Variants in SLC47A2 observed in about 807,000 individuals in gnomAD.
SLC47A2 encodes multidrug and toxin extrusion protein 2.
SLC47A2 carries 52 observed loss-of-function variants against 67.7 expected under a neutral mutation model. That is an observed-to-expected ratio of 0.77 (90% CI 0.61 to 0.97). The LOEUF is 0.97. SLC47A2 is among the 50% of genes least tolerant of loss of function. SLC47A2 has a pLI of 0.00. For synonymous variants in SLC47A2, 278 were observed against 292.9 expected, an observed-to-expected ratio of 0.95 and a Z score of 0.52; for missense variants, 676 against 712.3, an observed-to-expected ratio of 0.95 and a Z score of 0.58.
chr17:19,718,693 G>A (rs1372557546), upstream of SLC47A2: 1 of 152,230 alleles, frequency 6.6e-6, no homozygotes, highest in Non-Finnish European at 1.5e-5. Flanking sequence ...GTTTGACCCT[G>A]GGGAGGAGCA....
intron 13 of SLC47A2, among the ~76,000 whole-genome samples, chr17:19,697,168 C>T (rs971161130): frequency 6.6e-6 from 1 of 152,058 alleles, no homozygotes; most frequent in Non-Finnish European, 1.5e-5. Flanking sequence ...GTAGGTGGTG[C>T]ATGCCTGTAG....
rs1343043535 is a variant in SLC47A2, at chr17:19,712,755, AGGGAG to A, written c.444-15_444-11del. ...ATAGTCCTGGGTCAACCTGCAAGAGAGGGAGAAGCTCCGGAGCTGACCAGGCTGTG... is the reference window on the plus strand; with the variant it reads ...ATAGTCCTGGGTCAACCTGCAAGAGAAAGCTCCGGAGCTGACCAGGCTGTG... On this transcript the variant is annotated splice_polypyrimidine_tract_variant and intron_variant, in intron 4 of 16. Coordinates refer to ENST00000433844, the MANE Select transcript of SLC47A2 (RefSeq NM_001099646.3). 12 of 1,611,988 alleles carry A rather than the reference AGGGAG, an allele frequency of 7.4e-6. No individual in the cohort carries two copies. The highest frequency in any genetic ancestry group is 9.3e-6 in the Non-Finnish European group (11 of 1,179,396).
chr17:19,708,863 G>T, intron 5 of SLC47A2, 103 bp from the exon 6 acceptor site: 4 of 1,397,512 alleles, frequency 2.9e-6, no homozygotes, highest in Non-Finnish European at 4.0e-6. Flanking sequence ...CCAGATTGGG[G>T]AAATTACTTC....
intron 13 of SLC47A2, among the ~76,000 whole-genome samples, chr17:19,700,808 C>T (rs1312044932): frequency 6.8e-6 from 1 of 148,038 alleles, no homozygotes; most frequent in African/African-American, 2.5e-5. Context: ...CTTTCAATTT[C>T]AAGAATGATT....
intron 3 of SLC47A2, 126 bp from the exon 4 acceptor site, chr17:19,714,099 A>G: frequency 2.3e-6 from 3 of 1,322,140 alleles, no homozygotes; most frequent in Non-Finnish European, 3.0e-6. Flanking sequence ...TGGTGACCAC[A>G]GCCTGGCGCC....
chr17:19,686,915 T>C (rs1336088651), intron 13 of SLC47A2, among the ~76,000 whole-genome samples: 2 of 152,184 alleles, frequency 1.3e-5, no homozygotes, highest in Non-Finnish European at 2.9e-5. Flanking sequence ...CATAGAAACA[T>C]TGGACTTAAT....
chr17:19,680,528 G>C (rs1658686882), intron 15 of SLC47A2, among the ~76,000 whole-genome samples: 1 of 152,162 alleles, frequency 6.6e-6, no homozygotes, highest in African/African-American at 2.4e-5. Flanking sequence ...AGCATCTTAA[G>C]TGTCAGGATG....
At chr17:19,695,170 G>A (rs111233471) in intron 13 of SLC47A2, among the ~76,000 whole-genome samples, 7,561 of 152,122 alleles carry the variant, frequency 0.05, 311 homozygotes, top group Non-Finnish European at 0.065. Flanking sequence ...GAGACCTACT[G>A]TACAACATGT....
intron 16 of SLC47A2, among the ~76,000 whole-genome samples, 188 bp from the exon 17 acceptor site, chr17:19,679,094 G>A (rs2085254013): frequency 6.6e-6 from 1 of 152,180 alleles, no homozygotes; most frequent in African/African-American, 2.4e-5. Context: ...GAGATATGCA[G>A]GAAAGCATCT....
At chr17:19,711,355 G>A (rs1162755283) in intron 5 of SLC47A2, among the ~76,000 whole-genome samples, 1 of 151,204 alleles carries the variant, frequency 6.6e-6, no homozygotes, top group Non-Finnish European at 1.5e-5. Context: ...ACTTTGGGAG[G>A]TGGAAGCGAG....
intron 13 of SLC47A2, among the ~76,000 whole-genome samples, chr17:19,684,915 G>A (rs1045773233): frequency 1.3e-5 from 2 of 151,964 alleles, no homozygotes; most frequent in African/African-American, 4.8e-5. Context: ...CCATGATCTC[G>A]GTTCACTGCA....
At chr17:19,701,167 CAAAAAAAAA>C (rs35086555) in intron 13 of SLC47A2, among the ~76,000 whole-genome samples, 4 of 64,962 alleles carry the variant, frequency 6.2e-5, no homozygotes, top group Admixed American at 1.6e-4. Flanking sequence ...GACTCTGTCT[CAAAAAAAAA>C]AAAAAAAAAA....
intron 7 of SLC47A2, 76 bp downstream of exon 7, chr17:19,708,226 T>A (rs2085997461): frequency 6.5e-7 from 1 of 1,528,462 alleles, no homozygotes. Flanking sequence ...GGATGGTGAC[T>A]GATCTGTCTC....
intron 13 of SLC47A2, among the ~76,000 whole-genome samples, chr17:19,682,021 G>C (rs1316152935): frequency 6.6e-6 from 1 of 152,134 alleles, no homozygotes; most frequent in African/African-American, 2.4e-5. Context: ...GTGGTGTGTT[G>C]GTTTCCTGTG....
At chr17:19,713,410 A>C (rs1968114) in intron 4 of SLC47A2, among the ~76,000 whole-genome samples, 31,628 of 147,078 alleles carry the variant, frequency 0.22, 3,569 homozygotes, top group East Asian at 0.4. Flanking sequence ...TAATAATAAT[A>C]ATAATCATCA....
At chr17:19,704,523 C>G in intron 10 of SLC47A2, 2 of 969,156 alleles carry the variant, frequency 2.1e-6, no homozygotes, top group Non-Finnish European at 3.0e-6. Flanking sequence ...AGAAAAGCTC[C>G]CTGTAAGAAA....
rs763919536 is a variant in SLC47A2 at position 19,679,951 on chromosome 17, C to T, written c.1480+1G>A. 1.2e-6 allele frequency: 2 copies of T among 1,612,896 alleles called. No individual in the cohort carries two copies. The highest frequency in any genetic ancestry group is 2.2e-5 in the East Asian group (1 of 44,790). On this transcript the variant is annotated splice_donor_variant, in intron 16 of 16. Transcript: ENST00000433844. LOFTEE classifies it high-confidence loss of function. Reference sequence around the variant, plus strand: ...AGTAGAAGCAGCGGTGACAGTATTACCTGAAGATAGGACTGCTTTCTCAGG... The same window carrying T: ...AGTAGAAGCAGCGGTGACAGTATTATCTGAAGATAGGACTGCTTTCTCAGG...
intron 4 of SLC47A2, 119 bp downstream of exon 4, chr17:19,713,679 CCTGGAAGGTACCCACAGGCACCGTGCA>C: frequency 1.7e-6 from 2 of 1,144,408 alleles, no homozygotes; most frequent in South Asian, 1.9e-5. Flanking sequence ...CAAACCAAAG[CCTGGAAGGTACCCACAGGCACCGTGCA>C]CTGTGAGCAC....
intron 13 of SLC47A2, chr17:19,692,236 A>G (rs1364092865): frequency 1.7e-5 from 7 of 422,000 alleles, no homozygotes; most frequent in Non-Finnish European, 2.8e-5. Flanking sequence ...TCAAAAAAAA[A>G]AAAAAGAAAA....
Sources: allele counts gnomAD v4.1 joint callset (sites outside exome capture counted in the v4.1 genomes callset), GRCh38; gene constraint gnomAD v4.1.1; transcripts MANE v1.5; gene names NCBI Gene and HGNC (gene_info 2026-07-23, HGNC 2026-07-21).